The following SLC23A2 variants were observed in gnomAD, a reference collection of about 807,000 sequenced individuals.
The protein encoded by SLC23A2 is Na(+)/L-ascorbic acid transporter 2.
Under a neutral mutation model 73.3 loss-of-function variants are expected in SLC23A2, and 36 were observed. The ratio of observed to expected loss-of-function variants is 0.49; its 90% CI spans 0.38 to 0.65. The LOEUF (loss-of-function observed/expected upper bound fraction) is 0.65, where lower values mean the gene tolerates loss of function less well. Among genes scored for constraint, SLC23A2 ranks in the 30% least tolerant of loss-of-function variants. SLC23A2 has a pLI of 0.00. For synonymous variants in SLC23A2, 343 were observed against 327.3 expected (o/e 1.05, Z -0.52); for missense variants, 507 against 841.6 (o/e 0.60, Z 4.92).
At chr20:4,997,292 C>CA (rs1200328422) in intron 1 of SLC23A2, among the ~76,000 whole-genome samples, 1 of 152,150 alleles carries the variant, frequency 6.6e-6, no homozygotes, top group Non-Finnish European at 1.5e-5. Context: ...ACCAGCCTTA[C>CA]AGTGGTCCGC....
Position 4,883,273 on chromosome 20 carries a change from G to A in SLC23A2, c.824+369C>T, listed in dbSNP as rs563274405. 6.6e-6 allele frequency among the ~76,000 whole-genome samples: 1 copy of A among 152,144 alleles called. No individual in the cohort carries two copies. Among genetic ancestry groups the A allele is most frequent in the Non-Finnish European group, 1.5e-5 (1 of 68,006 alleles). On this transcript the variant is annotated intron_variant, in intron 9 of 16. Transcript: ENST00000338244. This position sits in a 1 kb window ranked among gnomAD's most constrained non-coding sequence, Gnocchi z 4.5. The stretch of plus-strand genomic sequence containing the variant: ...AAATACTCCAGATTCCTGCCACTCT[G>A]GAATATTTTTGAGTCTCATGATATA...
intron 3 of SLC23A2, among the ~76,000 whole-genome samples, chr20:4,928,317 A>G (rs1932738837): frequency 6.6e-6 from 1 of 152,244 alleles, no homozygotes; most frequent in African/African-American, 2.4e-5. Context: ...CTGAGATTAC[A>G]GGCCTGAGCA....
intron 15 of SLC23A2, among the ~76,000 whole-genome samples, chr20:4,860,268 G>A (rs1929904328): frequency 1.3e-5 from 2 of 152,360 alleles, no homozygotes; most frequent in East Asian, 1.9e-4. Context: ...TGGGTATACA[G>A]AGCAGTGAAA....
rs1238442140 is a variant in SLC23A2, at chr20:4,902,483, C to T, written c.283G>A (p.Asp95Asn). The change falls in exon 5 of 17, where the codon GAT (aspartate) becomes AAT (asparagine). Residue 95 changes from aspartate to asparagine, a missense_variant. Physicochemically the swap from Asp to Asn is conservative, Grantham distance 23. Around this residue, in one of 5 missense-constraint regions of SLC23A2, gnomAD observed 78 missense variants for 86.7 expected, o/e 0.90. Transcript: ENST00000338244. This position sits in a 1 kb window ranked among gnomAD's most constrained non-coding sequence, Gnocchi z 4.0. ...ATACACAGGTACCAGGGAGGAACAT[C>T]TTCTATGGTATAAATCATGTCTGAT... ...QRSDMIYTIEDVPPWYLCIFL... is the reference protein window; with the variant it reads ...QRSDMIYTIENVPPWYLCIFL... 1 of 1,612,732 alleles carries T rather than the reference C, an allele frequency of 6.2e-7. No individual in the cohort carries two copies. The highest frequency in any genetic ancestry group is 8.5e-7 in the Non-Finnish European group (1 of 1,179,100).
chr20:4,928,125 A>C (rs1932732142), intron 3 of SLC23A2, among the ~76,000 whole-genome samples: 1 of 152,166 alleles, frequency 6.6e-6, no homozygotes, highest in Non-Finnish European at 1.5e-5. Context: ...CTGCAGCCTC[A>C]AACCTCTGGG....
upstream of SLC23A2, among the ~76,000 whole-genome samples, chr20:5,003,358 TGGG>T (rs1462010750): frequency 3.4e-3 from 524 of 152,256 alleles, 1 homozygote; most frequent in Middle Eastern, 0.01. Flanking sequence ...CACTCCAGCC[TGGG>T]CGACAGAGCA....
At chr20:4,925,417 T>C (rs1932635946) in intron 3 of SLC23A2, among the ~76,000 whole-genome samples, 1 of 152,194 alleles carries the variant, frequency 6.6e-6, no homozygotes, top group Non-Finnish European at 1.5e-5. Context: ...AAGATTGACG[T>C]ATTTGCTTGT....
intron 2 of SLC23A2, among the ~76,000 whole-genome samples, chr20:4,961,109 CTTTTTTTT>C: frequency 7.6e-6 from 1 of 131,154 alleles, no homozygotes; most frequent in African/African-American, 2.8e-5. Context: ...TTTTCTTTTT[CTTTTTTTT>C]TTTTTTTTGA....
At chr20:4,976,735 G>T (rs2087649098) in intron 1 of SLC23A2, among the ~76,000 whole-genome samples, 1 of 151,958 alleles carries the variant, frequency 6.6e-6, no homozygotes, top group Non-Finnish European at 1.5e-5. Context: ...AGCACTTTGG[G>T]AGGCTGAGGC....
At chr20:4,900,669 G>C (rs539200999) in intron 5 of SLC23A2, among the ~76,000 whole-genome samples, 8 of 152,234 alleles carry the variant, frequency 5.3e-5, no homozygotes, top group African/African-American at 1.9e-4. Flanking sequence ...TTCCAGTCAG[G>C]GCAGGGTTAA....
intron 2 of SLC23A2, among the ~76,000 whole-genome samples, chr20:4,933,321 T>C (rs1254766972): frequency 6.6e-6 from 1 of 151,712 alleles, no homozygotes; most frequent in African/African-American, 2.4e-5. Context: ...AAAGAGGAGG[T>C]TGCCAGGCGC....
chr20:4,883,728 G>T lies in SLC23A2; in HGVS notation c.738C>A (p.Thr246=). The T allele has an allele frequency of 6.2e-7, 1 of 1,614,004 alleles. No homozygotes were observed. The highest frequency in any genetic ancestry group is 2.2e-5 in the East Asian group (1 of 44,870). ...GALLKYIGPL[T]ITPTVALIGL... is the part of the protein sequence containing the mutation. ...CAATTAGGGCCACCGTGGGTGTAAT[G>T]GTCAAGGGACCGATGTACTTCAGTA... Residue 246 remains threonine (T), a synonymous_variant, in exon 9 of 17, where the codon ACC becomes ACA. Transcript: ENST00000338244. This position sits in a 1 kb window ranked among gnomAD's most constrained non-coding sequence, Gnocchi z 4.5.
chr20:4,940,326 A>G lies in SLC23A2; in HGVS notation c.-154-7610T>C, dbSNP rs548508576. On this transcript the variant is annotated intron_variant, in intron 2 of 16. Transcript: ENST00000338244. ...TGAGACCCCATCTCAAAATAACAAC[A>G]ATAATAATAAGCAAGGATAGCCACA... Among the ~76,000 whole-genome samples the G allele has an allele frequency of 1.7e-3, 262 of 152,252 alleles. 1 individual carries two copies. Among genetic ancestry groups the G allele is most frequent in the African/African-American group, 6.0e-3 (248 of 41,550 alleles).
chr20:4,935,394 G>A (rs796600054), intron 2 of SLC23A2, among the ~76,000 whole-genome samples: 4 of 152,130 alleles, frequency 2.6e-5, no homozygotes, highest in East Asian at 3.9e-4. Flanking sequence ...CACAGCCCCC[G>A]CCACTTACAG....
At chr20:4,949,986 C>T (rs2122134475) in intron 2 of SLC23A2, among the ~76,000 whole-genome samples, 1 of 152,316 alleles carries the variant, frequency 6.6e-6, no homozygotes, top group East Asian at 1.9e-4. Context: ...GGAATTTCAG[C>T]TTTTATAACC....
intron 2 of SLC23A2, among the ~76,000 whole-genome samples, chr20:4,962,482 G>A (rs1473013694): frequency 6.6e-6 from 1 of 152,218 alleles, no homozygotes; most frequent in Non-Finnish European, 1.5e-5. Context: ...GACAGGGTGT[G>A]TAGACACACT....
intron 4 of SLC23A2, among the ~76,000 whole-genome samples, chr20:4,905,169 T>G (rs1329918978): frequency 1.3e-5 from 2 of 148,564 alleles, no homozygotes; most frequent in Non-Finnish European, 3.0e-5. Context: ...GAGGTTAAGA[T>G]GTACACACAG....
intron 2 of SLC23A2, among the ~76,000 whole-genome samples, chr20:4,937,387 C>T (rs547200555): frequency 3.9e-5 from 6 of 152,256 alleles, no homozygotes; most frequent in South Asian, 2.1e-4. Flanking sequence ...CAAATCCACT[C>T]GCTGTCTTGG....
intron 2 of SLC23A2, among the ~76,000 whole-genome samples, chr20:4,952,729 A>C (rs147650941): frequency 7.2e-5 from 11 of 152,318 alleles, no homozygotes; most frequent in African/African-American, 2.6e-4. Context: ...CTATATAAGA[A>C]ATGTAATTAA....
Sources: gnomAD v4.1 joint callset for allele counts (sites outside exome capture counted in the v4.1 genomes callset) on GRCh38, gnomAD v4.1.1 for gene constraint, gnomAD v4.1.1 regional missense constraint, Gnocchi (gnomAD v3.1) non-coding constraint, MANE v1.5 for transcripts, NCBI Gene and HGNC (gene_info 2026-07-23, HGNC 2026-07-21) for gene names.